LIPK: variants seen among roughly 807,000 people sequenced by gnomAD.
The protein encoded by LIPK is lipase member K.
LIPK carries 32 observed loss-of-function variants against 48.6 expected under a neutral mutation model. The ratio of observed to expected loss-of-function variants is 0.66; its 90% CI spans 0.50 to 0.88. The LOEUF (loss-of-function observed/expected upper bound fraction) is 0.88. Ranked by LOEUF, LIPK falls within the 40% of genes least tolerant of loss-of-function variation. The probability of loss-of-function intolerance (pLI) is 0.00; values close to 1 mark genes in which losing one functional copy is unlikely to be tolerated. For missense variants in LIPK, 507 were observed against 478.5 expected (o/e 1.06, Z -0.56); for synonymous variants, 164 against 157.4 (o/e 1.04, Z -0.32).
intron 9 of LIPK, among the ~76,000 whole-genome samples, chr10:88,746,746 G>C (rs1009152431): frequency 5.9e-5 from 9 of 152,050 alleles, no homozygotes; most frequent in African/African-American, 2.2e-4. Flanking sequence ...AGAGCTAGCA[G>C]AAGAAAAAAT....
rs1842601299 is a variant in LIPK, at chr10:88,737,693, C to T, written c.728C>T (p.Thr243Ile). 13 of 1,613,782 alleles carry T rather than the reference C, an allele frequency of 8.1e-6. No individual in the cohort carries two copies. Among genetic ancestry groups the T allele is most frequent in the Non-Finnish European group, 1.1e-5 (13 of 1,179,696 alleles). ...ACATTGTTTGACCAATTCATTGCCACCAAAGTGTGCAATCGAAAGCTATTC... is the reference window on the plus strand; with the variant it reads ...ACATTGTTTGACCAATTCATTGCCATCAAAGTGTGCAATCGAAAGCTATTC... ...PHTLFDQFIA[T>I]KVCNRKLFRR... The change falls in exon 7 of 10, where the codon ACC (threonine) becomes ATC (isoleucine). Residue 243 changes from threonine (T) to isoleucine (I), a missense_variant. Transcript: ENST00000404190.
intron 9 of LIPK, among the ~76,000 whole-genome samples, chr10:88,749,872 T>C (rs555714122): frequency 6.6e-6 from 1 of 151,498 alleles, no homozygotes; most frequent in South Asian, 2.1e-4. Context: ...GCAGACAACC[T>C]AAGAATAAGA....
At chr10:88,747,532 A>G (rs1307633359) in intron 9 of LIPK, among the ~76,000 whole-genome samples, 1 of 152,190 alleles carries the variant, frequency 6.6e-6, no homozygotes, top group East Asian at 1.9e-4. Context: ...GATTATCTCA[A>G]TAGACACAGA....
At position 88,740,522 on chromosome 10, in the gene LIPK, A is replaced by G. The variant is rs532218937; in HGVS notation, c.888+455A>G. ...AAATGGATTTATGGCTTATGTTTTT[A>G]CCTTCAGCTAAAGTTTTATTTGTTT... On this transcript the variant is annotated intron_variant, in intron 8 of 9. Transcript: ENST00000404190. Among the ~76,000 whole-genome samples, 45 of 152,314 alleles carry G rather than the reference A, an allele frequency of 3.0e-4. 2 individuals are homozygous for G. The highest frequency in any genetic ancestry group is 1.0e-3 in the African/African-American group (42 of 41,576).
At chr10:88,715,025 G>A (rs980607171) in intron 1 of LIPK, among the ~76,000 whole-genome samples, 7 of 151,946 alleles carry the variant, frequency 4.6e-5, no homozygotes, top group Admixed American at 2.6e-4. Context: ...TACTTTGGCT[G>A]TATGTCAAAT....
At chr10:88,745,101 G>C (rs1842744153) in intron 9 of LIPK, among the ~76,000 whole-genome samples, 1 of 152,092 alleles carries the variant, frequency 6.6e-6, no homozygotes, top group African/African-American at 2.4e-5. Flanking sequence ...TTTAAAAAAT[G>C]AACAAAATCT....
intron 9 of LIPK, among the ~76,000 whole-genome samples, chr10:88,743,683 G>A (rs1055313236): frequency 1.3e-5 from 2 of 152,112 alleles, no homozygotes; most frequent in African/African-American, 4.8e-5. Context: ...GGAACACTCT[G>A]AGCAGATCTT....
At chr10:88,707,861 C>A (rs1841963811) in intron 1 of LIPK, among the ~76,000 whole-genome samples, 1 of 152,110 alleles carries the variant, frequency 6.6e-6, no homozygotes, top group Non-Finnish European at 1.5e-5. Context: ...AATCTAGTTT[C>A]TGACTAACCT....
intron 1 of LIPK, among the ~76,000 whole-genome samples, chr10:88,715,898 T>C (rs1842107626): frequency 6.6e-6 from 1 of 152,124 alleles, no homozygotes; most frequent in Non-Finnish European, 1.5e-5. Flanking sequence ...TTTTAAAATA[T>C]GCCTACCTCA....
chr10:88,722,158 G>GATT (rs1248346497), intron 1 of LIPK, among the ~76,000 whole-genome samples: 1 of 152,148 alleles, frequency 6.6e-6, no homozygotes, highest in Non-Finnish European at 1.5e-5. Flanking sequence ...AATTAGGTGT[G>GATT]GCGGCACGCG....
intron 7 of LIPK, 106 bp downstream of exon 7, chr10:88,737,887 C>A: frequency 8.1e-7 from 1 of 1,232,724 alleles, no homozygotes; most frequent in Non-Finnish European, 1.2e-6. Flanking sequence ...TTCCTTTTTG[C>A]ATTTGGAATG....
chr10:88,712,329 T>C (rs1166957709), intron 1 of LIPK, among the ~76,000 whole-genome samples: 9 of 152,204 alleles, frequency 5.9e-5, no homozygotes, highest in Admixed American at 5.9e-4. Context: ...GTAATTTTTT[T>C]AGCTAAAAAG....
chr10:88,738,886 A>G (rs898430885), intron 7 of LIPK, among the ~76,000 whole-genome samples: 1 of 152,246 alleles, frequency 6.6e-6, no homozygotes, highest in East Asian at 1.9e-4. Flanking sequence ...CCAGGGGTAC[A>G]TAAGTAATAT....
Position 88,750,186 on chromosome 10 carries a change from T to C in LIPK, c.961-2331T>C, listed in dbSNP as rs529402364. Among the ~76,000 whole-genome samples the C allele has an allele frequency of 3.3e-5, 5 of 152,158 alleles. No homozygotes were observed. In the South Asian group the frequency reaches 8.3e-4, roughly 25 times the overall value. On this transcript the variant is annotated intron_variant, in intron 9 of 9. Coordinates refer to ENST00000404190, the MANE Select transcript of LIPK (RefSeq NM_001080518.2). ...TGCTGGTGAGGTTGTGGAGAAAGAA[T>C]GGTCATACACCACTGGTGGGAATGT...
At chr10:88,746,940 AC>A (rs1385114300) in intron 9 of LIPK, among the ~76,000 whole-genome samples, 1 of 152,160 alleles carries the variant, frequency 6.6e-6, no homozygotes, top group African/African-American at 2.4e-5. Context: ...GGACATTACC[AC>A]CACCCCACAG....
chr10:88,734,917 G>T (rs541522496), intron 6 of LIPK, among the ~76,000 whole-genome samples: 3 of 152,292 alleles, frequency 2.0e-5, no homozygotes, highest in African/African-American at 7.2e-5. Context: ...AGGCATGCTT[G>T]GTGAAAGGCT....
intron 1 of LIPK, among the ~76,000 whole-genome samples, chr10:88,721,291 A>G (rs1433845081): frequency 6.6e-6 from 1 of 152,198 alleles, no homozygotes; most frequent in Non-Finnish European, 1.5e-5. Context: ...AAAAAAACTC[A>G]GAGTATTATT....
At chr10:88,719,522 C>A (rs997664975) in intron 1 of LIPK, among the ~76,000 whole-genome samples, 2 of 152,346 alleles carry the variant, frequency 1.3e-5, no homozygotes, top group Middle Eastern at 6.8e-3. Flanking sequence ...ACTCAGAATT[C>A]TCCACAAAGC....
intron 9 of LIPK, among the ~76,000 whole-genome samples, chr10:88,743,536 T>C (rs1214320908): frequency 6.6e-6 from 1 of 151,754 alleles, no homozygotes; most frequent in Non-Finnish European, 1.5e-5. Flanking sequence ...CCCTATTTTT[T>C]TCAGAGGTTC....
Sources: gnomAD v4.1 joint callset for allele counts (sites outside exome capture counted in the v4.1 genomes callset) on GRCh38, gnomAD v4.1.1 for gene constraint, MANE v1.5 for transcripts, NCBI Gene and HGNC (gene_info 2026-07-23, HGNC 2026-07-21) for gene names.